Variants in WASHC2C observed in about 807,000 individuals in gnomAD.
WASHC2C encodes the protein Vaccinia Penetration Factor.
Under a neutral mutation model 142.2 loss-of-function variants are expected in WASHC2C, and 73 were observed. The ratio of observed to expected loss-of-function variants is 0.51; its 90% CI spans 0.43 to 0.62. WASHC2C has a LOEUF of 0.62. Among genes scored for constraint, WASHC2C ranks in the 20% least tolerant of loss-of-function variants. WASHC2C has a pLI of 0.00. For synonymous variants in WASHC2C, 337 were observed against 565.5 expected (o/e 0.60, Z 5.73); for missense variants, 969 against 1,531.7 (o/e 0.63, Z 6.13).
chr10:45,750,615 A>C (rs879876718), intron 9 of WASHC2C, 136 bp from the exon 10 acceptor site: 3 of 969,318 alleles, frequency 3.1e-6, no homozygotes, highest in East Asian at 2.7e-5. Context: ...ACATATGTTT[A>C]AATTCATTTA....
chr10:45,735,786 C>G (rs1253998214), intron 3 of WASHC2C, among the ~76,000 whole-genome samples: 1 of 152,144 alleles, frequency 6.6e-6, no homozygotes, highest in African/African-American at 2.4e-5. Context: ...TTGGCAGATA[C>G]TTAAAGATGG....
chr10:45,777,422 A>G lies in WASHC2C; in HGVS notation c.2292A>G (p.Glu764=). 6.2e-7 allele frequency: 1 copy of G among 1,610,198 alleles called. No homozygotes were observed. The highest frequency in any genetic ancestry group is 8.5e-7 in the Non-Finnish European group (1 of 1,178,290). Residue 764 remains glutamate (E), a synonymous_variant, in exon 22 of 31, where the codon GAA becomes GAG. Transcript: ENST00000623400. ...GGAGAACTGATGTGGCTGAGTCAGA[A>G]AAGGTGGACTTTTTTTCTTGTATAC... The part of the protein sequence containing the change: ...KFGRTDVAES[E]KEGLLTRSAQ...
At chr10:45,781,365 T>G (rs1167992192) in intron 23 of WASHC2C, among the ~76,000 whole-genome samples, 2 of 152,198 alleles carry the variant, frequency 1.3e-5, no homozygotes, top group African/African-American at 4.8e-5. Flanking sequence ...AAGCTGATCC[T>G]AAAATTTTTA....
intron 6 of WASHC2C, among the ~76,000 whole-genome samples, chr10:45,743,730 T>G (rs1416683729): frequency 6.7e-6 from 1 of 149,438 alleles, no homozygotes; most frequent in Non-Finnish European, 1.5e-5. Context: ...TCTCTGTGTG[T>G]TTTCTTTTTT....
At position 45,786,905 on chromosome 10, in the gene WASHC2C, C is replaced by T. The variant is rs1169632474; in HGVS notation, c.2875-130C>T. On this transcript the variant is annotated intron_variant, in intron 27 of 30. Coordinates refer to ENST00000623400, the MANE Select transcript of WASHC2C (RefSeq NM_001330074.2). ...GTTTTAATTCTGAGACTAGATTGGG[C>T]GATTTTCCTACGTTTCTCTACTCCT... The T allele has an allele frequency of 1.3e-5, 21 of 1,603,310 alleles. No individual in the cohort carries two copies. In the Admixed American group the frequency reaches 2.6e-4, roughly 19 times the overall value.
At chr10:45,753,640 G>GT (rs2053869190) in intron 13 of WASHC2C, among the ~76,000 whole-genome samples, 2 of 138,248 alleles carry the variant, frequency 1.4e-5, no homozygotes, top group Admixed American at 7.2e-5. Context: ...TTGTTTTTTT[G>GT]TTTTTTGTTT....
chr10:45,776,110 T>A (rs2057053534), intron 21 of WASHC2C, among the ~76,000 whole-genome samples: 1 of 152,194 alleles, frequency 6.6e-6, no homozygotes, highest in Non-Finnish European at 1.5e-5. Flanking sequence ...TATGTCAAGT[T>A]CAATGGTTTT....
At chr10:45,749,107 G>A (rs1251051665) in intron 8 of WASHC2C, among the ~76,000 whole-genome samples, 1 of 151,968 alleles carries the variant, frequency 6.6e-6, no homozygotes, top group African/African-American at 2.4e-5. Context: ...CTATGCTGAT[G>A]ATGTTTATAT....
intron 28 of WASHC2C, among the ~76,000 whole-genome samples, chr10:45,788,313 A>C (rs2058195126): frequency 6.6e-6 from 1 of 152,218 alleles, no homozygotes; most frequent in African/African-American, 2.4e-5. Flanking sequence ...TTTCTAAGCC[A>C]TATTTCTTAT....
At chr10:45,749,296 G>C (rs1244698651) in intron 8 of WASHC2C, among the ~76,000 whole-genome samples, 9 of 151,082 alleles carry the variant, frequency 6.0e-5, no homozygotes, top group African/African-American at 9.8e-5. Flanking sequence ...TTAGCCGGGC[G>C]TGGTGGCGGG....
chr10:45,756,696 G>A (rs1335827397), intron 15 of WASHC2C, among the ~76,000 whole-genome samples: 2 of 152,112 alleles, frequency 1.3e-5, no homozygotes, highest in African/African-American at 4.8e-5. Flanking sequence ...CCTCTTAAAT[G>A]ATCTTTCTTC....
intron 21 of WASHC2C, among the ~76,000 whole-genome samples, chr10:45,775,105 C>T (rs1282131438): frequency 1.5e-5 from 2 of 133,966 alleles, no homozygotes; most frequent in South Asian, 2.5e-4. Flanking sequence ...TTCATAGGCC[C>T]GGTTTCTATT....
intron 23 of WASHC2C, among the ~76,000 whole-genome samples, chr10:45,783,455 TTTTTG>T (rs1554888580): frequency 1.3e-5 from 2 of 152,140 alleles, no homozygotes; most frequent in South Asian, 2.1e-4. Context: ...TTTTTTGGTT[TTTTTG>T]TTTTGTTTTG....
chr10:45,735,872 G>A (rs1395951858), intron 3 of WASHC2C, among the ~76,000 whole-genome samples: 162 of 151,870 alleles, frequency 1.1e-3, no homozygotes, highest in African/African-American at 3.5e-3. Flanking sequence ...GGAATTCTAC[G>A]CATTTGTGCA....
At chr10:45,768,737 A>G (rs1308255823) in intron 19 of WASHC2C, among the ~76,000 whole-genome samples, 1 of 151,918 alleles carries the variant, frequency 6.6e-6, no homozygotes, top group Non-Finnish European at 1.5e-5. Flanking sequence ...TTTTTTTTCA[A>G]TCTGCTTTAG....
At position 45,763,259 on chromosome 10, in the gene WASHC2C, C is replaced by T. The variant is rs1366674925; in HGVS notation, c.1636-129C>T. On this transcript the variant is annotated intron_variant, in intron 17 of 30. Transcript: ENST00000623400. ...CCTTTAAGGACTCTGTCTGAGCCACCTTCCCTCTCAGGAAAGAAGCCTAGA... is the reference window on the plus strand; with the variant it reads ...CCTTTAAGGACTCTGTCTGAGCCACTTTCCCTCTCAGGAAAGAAGCCTAGA... 4 of 595,078 alleles carry T rather than the reference C, an allele frequency of 6.7e-6. No homozygotes were observed. The African/African-American group carries it at 7.5e-5, about 11-fold the overall frequency. The allele number at this position is 595,078 out of a possible 1,614,324, so 36.9% of individuals were successfully genotyped here.
intron 23 of WASHC2C, among the ~76,000 whole-genome samples, chr10:45,780,043 T>C (rs2057378928): frequency 6.6e-6 from 1 of 151,308 alleles, no homozygotes; most frequent in Non-Finnish European, 1.5e-5. Context: ...GACCCTGATA[T>C]TAAAACTAGA....
chr10:45,747,534 A>G (rs2052994545), intron 8 of WASHC2C, among the ~76,000 whole-genome samples: 1 of 152,364 alleles, frequency 6.6e-6, no homozygotes, highest in Admixed American at 6.5e-5. Context: ...CTCTAAATGT[A>G]TAAGGGAAAG....
intron 11 of WASHC2C, 26 bp from the exon 12 acceptor site, chr10:45,752,562 G>T: frequency 5.1e-6 from 8 of 1,583,766 alleles, no homozygotes; most frequent in Non-Finnish European, 6.1e-6. Flanking sequence ...AATACTCCCT[G>T]CAAAACATTG....
Sources: gnomAD v4.1 joint callset for allele counts (sites outside exome capture counted in the v4.1 genomes callset) on GRCh38, gnomAD v4.1.1 for gene constraint, MANE v1.5 for transcripts, NCBI Gene and HGNC (gene_info 2026-07-23, HGNC 2026-07-21) for gene names.